Variants in NRG3 observed in about 807,000 individuals in gnomAD.
NRG3 encodes the protein pro-neuregulin-3, membrane-bound isoform.
In NRG3, 31 loss-of-function variants were observed where a neutral mutation model predicts 66.9. The observed-to-expected ratio is 0.46, with a 90% CI of 0.35 to 0.63. The LOEUF (loss-of-function observed/expected upper bound fraction) is 0.63, where lower values mean the gene tolerates loss of function less well. Among genes scored for constraint, NRG3 ranks in the 20% least tolerant of loss-of-function variants. The probability of loss-of-function intolerance (pLI) is 0.00; values close to 1 mark genes in which losing one functional copy is unlikely to be tolerated. For synonymous variants in NRG3, 393 were observed against 359.4 expected (o/e 1.09, Z -1.06); for missense variants, 910 against 878.9 (o/e 1.04, Z -0.45).
chr10:82,333,396 T>C (rs2082236111), intron 1 of NRG3, among the ~76,000 whole-genome samples: 2 of 152,164 alleles, frequency 1.3e-5, no homozygotes, highest in South Asian at 2.1e-4. Flanking sequence ...CACAGCTGAA[T>C]TGACTCTGAG....
chr10:81,957,570 C>G (rs1589594841), intron 1 of NRG3, among the ~76,000 whole-genome samples: 1 of 152,142 alleles, frequency 6.6e-6, no homozygotes, highest in Non-Finnish European at 1.5e-5. Flanking sequence ...AGAATGAATA[C>G]TTTGTAATAG....
At chr10:81,946,107 C>T (rs1848821686) in intron 1 of NRG3, among the ~76,000 whole-genome samples, 1 of 152,096 alleles carries the variant, frequency 6.6e-6, no homozygotes, top group East Asian at 1.9e-4. Flanking sequence ...ACCTCTGCCT[C>T]CTGGGTTCAA....
chr10:82,125,962 G>A (rs2068424451), intron 1 of NRG3, among the ~76,000 whole-genome samples: 1 of 152,040 alleles, frequency 6.6e-6, no homozygotes, highest in Admixed American at 6.6e-5. Context: ...AAGGCCTGTA[G>A]GGAGAAAGAC....
intron 3 of NRG3, among the ~76,000 whole-genome samples, chr10:82,773,190 C>T (rs2059780787): frequency 6.6e-6 from 1 of 152,152 alleles, no homozygotes; most frequent in Non-Finnish European, 1.5e-5. Flanking sequence ...CTATACTAAT[C>T]TACATTCCCG....
At chr10:82,152,060 A>G (rs2070789204) in intron 1 of NRG3, among the ~76,000 whole-genome samples, 1 of 152,168 alleles carries the variant, frequency 6.6e-6, no homozygotes, top group African/African-American at 2.4e-5. Context: ...TTTTCTGTAA[A>G]AGGCAAGAAA....
chr10:82,481,392 A>G (rs952098896), intron 2 of NRG3, among the ~76,000 whole-genome samples: 3 of 152,130 alleles, frequency 2.0e-5, no homozygotes, highest in African/African-American at 7.2e-5. Flanking sequence ...CAGGTTCCAC[A>G]TTCTTCTCCC....
chr10:82,408,199 T>C (rs983653104), intron 2 of NRG3, among the ~76,000 whole-genome samples: 1 of 151,822 alleles, frequency 6.6e-6, no homozygotes, highest in African/African-American at 2.4e-5. Flanking sequence ...ACTAATAAGA[T>C]GTTATTACAG....
intron 3 of NRG3, among the ~76,000 whole-genome samples, chr10:82,761,907 CTTCT>C (rs759659938): frequency 2.9e-3 from 376 of 131,622 alleles, no homozygotes; most frequent in Non-Finnish European, 4.5e-3. Flanking sequence ...TCCGTTCTTT[CTTCT>C]TTCTTTCTTT....
chr10:82,925,140 G>C (rs1020775365), intron 4 of NRG3, among the ~76,000 whole-genome samples: 3 of 152,174 alleles, frequency 2.0e-5, no homozygotes, highest in Non-Finnish European at 4.4e-5. Context: ...AGTTTACTTA[G>C]TACAAATTAG....
chr10:82,278,603 GGTTT>G (rs2078974870), intron 1 of NRG3, among the ~76,000 whole-genome samples: 1 of 152,114 alleles, frequency 6.6e-6, no homozygotes, highest in Non-Finnish European at 1.5e-5. Context: ...GGTTTTTGCT[GGTTT>G]GTTTAACAAT....
chr10:82,781,556 T>C (rs1391029867), intron 3 of NRG3, among the ~76,000 whole-genome samples: 1 of 152,156 alleles, frequency 6.6e-6, no homozygotes, highest in Non-Finnish European at 1.5e-5. Context: ...TTTTTCTGAT[T>C]GGCTCTCTCA....
At chr10:82,082,951 T>C (rs1300144412) in intron 1 of NRG3, among the ~76,000 whole-genome samples, 1 of 152,166 alleles carries the variant, frequency 6.6e-6, no homozygotes, top group Admixed American at 6.5e-5. Context: ...GACATTCTTT[T>C]TTTTTTTCAG....
At chr10:81,986,681 T>A (rs995402755) in intron 1 of NRG3, among the ~76,000 whole-genome samples, 5 of 152,184 alleles carry the variant, frequency 3.3e-5, no homozygotes, top group African/African-American at 1.2e-4. Flanking sequence ...GTCTTATTCA[T>A]TTGAATTTTT....
intron 1 of NRG3, among the ~76,000 whole-genome samples, chr10:82,017,022 T>C (rs1368764758): frequency 6.6e-6 from 1 of 152,200 alleles, no homozygotes; most frequent in Non-Finnish European, 1.5e-5. Flanking sequence ...GCCATGTTGG[T>C]GTGCTGCATC....
At chr10:82,647,813 T>C (rs1255136709) in intron 2 of NRG3, among the ~76,000 whole-genome samples, 1 of 151,904 alleles carries the variant, frequency 6.6e-6, no homozygotes, top group Admixed American at 6.6e-5. Context: ...TTTTGAGAAG[T>C]GTCTGTTCAT....
intron 2 of NRG3, among the ~76,000 whole-genome samples, chr10:82,463,299 G>A (rs2091608556): frequency 6.6e-6 from 1 of 152,158 alleles, no homozygotes; most frequent in African/African-American, 2.4e-5. Context: ...TTGATCATTT[G>A]TCCTTTGTCC....
At chr10:82,079,352 A>C (rs1313109300) in intron 1 of NRG3, among the ~76,000 whole-genome samples, 1 of 152,074 alleles carries the variant, frequency 6.6e-6, no homozygotes, top group Non-Finnish European at 1.5e-5. Context: ...CTTTATATTT[A>C]AGAGCAGTTT....
At chr10:82,858,005 C>G (rs1285163219) in intron 3 of NRG3, among the ~76,000 whole-genome samples, 1 of 152,124 alleles carries the variant, frequency 6.6e-6, no homozygotes, top group Non-Finnish European at 1.5e-5. Context: ...GGAGTGTGCT[C>G]ACACTCTTGA....
At chr10:82,364,202 G>A (rs1422518659) in intron 2 of NRG3, among the ~76,000 whole-genome samples, 2 of 152,034 alleles carry the variant, frequency 1.3e-5, no homozygotes, top group African/African-American at 4.8e-5. Context: ...CACTATTATT[G>A]AGCTGATAAG....
Sources: allele counts gnomAD v4.1 joint callset (sites outside exome capture counted in the v4.1 genomes callset), GRCh38; gene constraint gnomAD v4.1.1; transcripts MANE v1.5; gene names NCBI Gene and HGNC (gene_info 2026-07-23, HGNC 2026-07-21).